Variants in TRIM36 observed in about 807,000 individuals in gnomAD.
The protein encoded by TRIM36 is E3 ubiquitin-protein ligase TRIM36.
Under a neutral mutation model 72.4 loss-of-function variants are expected in TRIM36, and 42 were observed. The observed-to-expected ratio is 0.58, with a 90% CI of 0.45 to 0.75. The LOEUF (loss-of-function observed/expected upper bound fraction) is 0.75. Ranked by LOEUF, TRIM36 falls within the 30% of genes least tolerant of loss-of-function variation. The pLI is 0.00. For missense variants in TRIM36, 913 were observed against 857.1 expected (o/e 1.07, Z -0.81); for synonymous variants, 315 against 282.8 (o/e 1.11, Z -1.14).
chr5:115,140,783 G>A (rs1241700297), intron 5 of TRIM36, among the ~76,000 whole-genome samples: 1 of 151,970 alleles, frequency 6.6e-6, no homozygotes, highest in Non-Finnish European at 1.5e-5. Flanking sequence ...TGGGCATGTG[G>A]GTAGATCCCA....
intron 2 of TRIM36, among the ~76,000 whole-genome samples, chr5:115,150,102 T>G (rs991962439): frequency 6.6e-6 from 1 of 152,218 alleles, no homozygotes; most frequent in South Asian, 2.1e-4. Context: ...GAACTTTTAT[T>G]TCATCTGTCT....
chr5:115,126,479 C>A lies in TRIM36; in HGVS notation c.*24G>T. On this transcript the variant is annotated 3_prime_UTR_variant, in exon 10 of 10. Coordinates refer to ENST00000513154, the MANE Select transcript of TRIM36 (RefSeq NM_001300759.2). Reference sequence around the variant, plus strand: ...GCATTGCTTTGTTTACAGTTTTTATCCTGAGTCACATCAGATGTTTCAACT... The same window carrying A: ...GCATTGCTTTGTTTACAGTTTTTATACTGAGTCACATCAGATGTTTCAACT... 6.3e-7 allele frequency: 1 copy of A among 1,579,090 alleles called. No homozygotes were observed. Among genetic ancestry groups the A allele is most frequent in the Non-Finnish European group, 8.7e-7 (1 of 1,154,950 alleles).
chr5:115,137,519 T>C lies in TRIM36; in HGVS notation c.929A>G (p.Asp310Gly). The change falls in exon 6 of 10, where the codon GAC becomes GGC. Residue 310 changes from aspartate (D) to glycine (G), a missense_variant. Physicochemically the swap from Asp to Gly is moderately conservative, Grantham distance 94 (BLOSUM62 -1). Coordinates refer to ENST00000513154, the MANE Select transcript of TRIM36 (RefSeq NM_001300759.2). ...ERKSSVLKAIDSSKKLRLDKF... is the reference protein window; with the variant it reads ...ERKSSVLKAIGSSKKLRLDKF... ...GTCTAATCTTAGTTTCTTAGAGGAG[T>C]CAATTGCTTTCAAAACAGATGATTT... is the stretch of plus-strand genomic sequence containing the variant. The C allele has an allele frequency of 6.2e-7, 1 of 1,614,058 alleles. No individual in the cohort carries two copies. The highest frequency in any genetic ancestry group is 8.5e-7 in the Non-Finnish European group (1 of 1,179,992).
intron 1 of TRIM36, among the ~76,000 whole-genome samples, chr5:115,166,154 C>G (rs1223497864): frequency 2.0e-5 from 3 of 152,194 alleles, no homozygotes; most frequent in African/African-American, 7.2e-5. Context: ...TGAAACCCCA[C>G]CTTCAAGCCA....
At chr5:115,150,999 T>G (rs1462972935) in intron 2 of TRIM36, among the ~76,000 whole-genome samples, 1 of 152,136 alleles carries the variant, frequency 6.6e-6, no homozygotes, top group African/African-American at 2.4e-5. Context: ...AGCTAAAGTT[T>G]GTAACAATTT....
intron 1 of TRIM36, among the ~76,000 whole-genome samples, chr5:115,178,649 A>G (rs1755459794): frequency 6.6e-6 from 1 of 152,180 alleles, no homozygotes; most frequent in South Asian, 2.1e-4. Flanking sequence ...GAGGTGCAGG[A>G]TGGAGTCTGG....
At chr5:115,142,676 A>C (rs1456631831) in intron 4 of TRIM36, among the ~76,000 whole-genome samples, 2 of 152,226 alleles carry the variant, frequency 1.3e-5, no homozygotes, top group African/African-American at 4.8e-5. Flanking sequence ...TTGTTTTAAA[A>C]GACTAGATCA....
chr5:115,166,679 G>T (rs905097352), intron 1 of TRIM36, among the ~76,000 whole-genome samples: 3 of 152,232 alleles, frequency 2.0e-5, no homozygotes, highest in African/African-American at 4.8e-5. Context: ...TCGCCATGTT[G>T]TGGGTGACGA....
chr5:115,155,953 A>G (rs763207662), intron 2 of TRIM36, among the ~76,000 whole-genome samples: 1 of 152,226 alleles, frequency 6.6e-6, no homozygotes, highest in African/African-American at 2.4e-5. Context: ...AAATTCAGCA[A>G]AGTTTCAGGA....
intron 5 of TRIM36, among the ~76,000 whole-genome samples, chr5:115,140,453 G>A (rs548634805): frequency 2.6e-5 from 4 of 152,202 alleles, no homozygotes; most frequent in Admixed American, 2.0e-4. Context: ...AAATGTACAT[G>A]TAAGTATAAA....
chr5:115,162,567 T>A (rs1162789703), intron 2 of TRIM36, among the ~76,000 whole-genome samples: 1 of 152,222 alleles, frequency 6.6e-6, no homozygotes, highest in East Asian at 1.9e-4. Context: ...AATATGTATA[T>A]AAGTGCAATC....
At position 115,137,023 on chromosome 5, in the gene TRIM36, C is replaced by T; in HGVS notation, c.1187G>A (p.Gly396Glu). 1 of 1,603,716 alleles carries T rather than the reference C, an allele frequency of 6.2e-7. No individual in the cohort carries two copies. Among genetic ancestry groups the T allele is most frequent in the South Asian group, 1.1e-5 (1 of 88,236 alleles). ...ACCACTAGAGAAAAAGGATAATTCT[C>T]CAAGAAGTTCTGTTTGTTTAGAGGT... ...VNTSKQTELLGELSFFSSGID... is the reference protein window; with the variant it reads ...VNTSKQTELLEELSFFSSGID... Residue 396 changes from glycine (G) to glutamate (E), a missense_variant, in exon 7 of 10, where the codon GGA becomes GAA. Gly to Glu is a moderately conservative substitution (Grantham distance 98, BLOSUM62 -2). Coordinates refer to ENST00000513154, the MANE Select transcript of TRIM36 (RefSeq NM_001300759.2).
At chr5:115,175,066 A>G (rs1010851663) in intron 1 of TRIM36, among the ~76,000 whole-genome samples, 1 of 152,200 alleles carries the variant, frequency 6.6e-6, no homozygotes, top group Admixed American at 6.5e-5. Flanking sequence ...TTTAGTAAAT[A>G]AGAACACAAT....
At chr5:115,170,970 AT>A (rs1431839491), upstream of TRIM36, 1 of 1,365,724 alleles carries the variant, frequency 7.3e-7, no homozygotes, top group East Asian at 2.4e-5. Context: ...GAACAAATTA[AT>A]TTAGGATTAT....
At chr5:115,129,529 G>C (rs999742417) in intron 9 of TRIM36, among the ~76,000 whole-genome samples, 12 of 152,172 alleles carry the variant, frequency 7.9e-5, no homozygotes, top group African/African-American at 2.7e-4. Flanking sequence ...TTGCACTCCA[G>C]CCTGGTCAAC....
intron 1 of TRIM36, among the ~76,000 whole-genome samples, chr5:115,179,822 G>A (rs1304728316): frequency 1.3e-5 from 2 of 152,252 alleles, no homozygotes; most frequent in Non-Finnish European, 2.9e-5. Flanking sequence ...GCATTCCGCA[G>A]CTGCTGGGAC....
At chr5:115,127,452 T>C (rs1752418132) in intron 9 of TRIM36, among the ~76,000 whole-genome samples, 1 of 152,174 alleles carries the variant, frequency 6.6e-6, no homozygotes, top group Non-Finnish European at 1.5e-5. Flanking sequence ...TCTCAGCTAC[T>C]TGGGAGGCTG....
At chr5:115,139,737 T>TA (rs545963301) in intron 5 of TRIM36, among the ~76,000 whole-genome samples, 4 of 152,102 alleles carry the variant, frequency 2.6e-5, no homozygotes, top group Non-Finnish European at 4.4e-5. Flanking sequence ...TTATCTAGCG[T>TA]AAAAAAAATT....
At chr5:115,178,016 AC>A (rs1755424642) in intron 1 of TRIM36, 1 of 824,114 alleles carries the variant, frequency 1.2e-6, no homozygotes, top group African/African-American at 1.7e-5. Flanking sequence ...TGTTTACCTG[AC>A]TTGATTATAA....
Sources: allele counts gnomAD v4.1 joint callset (sites outside exome capture counted in the v4.1 genomes callset), GRCh38; gene constraint gnomAD v4.1.1; transcripts MANE v1.5; gene names NCBI Gene and HGNC (gene_info 2026-07-23, HGNC 2026-07-21).